Variants in CASR observed in about 807,000 individuals in gnomAD.
CASR encodes extracellular calcium-sensing receptor.
CASR carries 23 observed loss-of-function variants against 69.1 expected under a neutral mutation model. The observed-to-expected ratio is 0.33, with a 90% CI of 0.24 to 0.47. The LOEUF is 0.47. CASR is among the 20% of genes least tolerant of loss of function. The probability of loss-of-function intolerance (pLI) is 1.00; values close to 1 mark genes in which losing one functional copy is unlikely to be tolerated. For synonymous variants in CASR, 541 were observed against 544.7 expected (o/e 0.99, Z 0.10); for missense variants, 924 against 1,356.1 (o/e 0.68, Z 5.00).
At chr3:122,227,650 C>A (rs1035534763) in intron 1 of CASR, among the ~76,000 whole-genome samples, 2 of 152,212 alleles carry the variant, frequency 1.3e-5, no homozygotes, top group African/African-American at 4.8e-5. Flanking sequence ...CTGAAGGGCT[C>A]CTCAAGCACG....
chr3:122,257,942 C>T (rs2074574083), intron 3 of CASR, among the ~76,000 whole-genome samples: 2 of 152,178 alleles, frequency 1.3e-5, no homozygotes, highest in Admixed American at 6.5e-5. Flanking sequence ...TATGTATAAG[C>T]GGTCTCCACT....
chr3:122,229,265 A>G (rs2074256915), intron 1 of CASR, among the ~76,000 whole-genome samples: 1 of 152,178 alleles, frequency 6.6e-6, no homozygotes, highest in Non-Finnish European at 1.5e-5. Context: ...CCTCAAAATC[A>G]GGCCACTCTT....
At chr3:122,266,371 G>A (rs1441250199) in intron 4 of CASR, among the ~76,000 whole-genome samples, 1 of 151,584 alleles carries the variant, frequency 6.6e-6, no homozygotes, top group Non-Finnish European at 1.5e-5. Flanking sequence ...TTTTCTTTGT[G>A]AGCCTGTAAG....
At chr3:122,219,971 G>T (rs909398585) in intron 1 of CASR, among the ~76,000 whole-genome samples, 1 of 152,158 alleles carries the variant, frequency 6.6e-6, no homozygotes, top group Admixed American at 6.5e-5. Flanking sequence ...AAATATTCAG[G>T]ATTCTGTGAC....
rs1347768317 is a variant in CASR, at chr3:122,286,842, T to C, written c.*1651T>C. ...CCTGAAGCCTCAAATTTTACAGCTC[T>C]TGGTGACTTCTTCCCCTGACCACTT... On this transcript the variant is annotated 3_prime_UTR_variant, in exon 7 of 7. Transcript: ENST00000639785. 1 of 152,276 alleles carries C rather than the reference T, an allele frequency of 6.6e-6. No homozygotes were observed. Among genetic ancestry groups the C allele is most frequent in the Non-Finnish European group, 1.5e-5 (1 of 68,068 alleles). The allele number at this position is 152,276 out of a possible 1,614,324, so 9.4% of individuals were successfully genotyped here.
chr3:122,282,307 T>C, intron 6 of CASR, 71 bp downstream of exon 6: 2 of 1,465,986 alleles, frequency 1.4e-6, no homozygotes, highest in South Asian at 2.3e-5. Context: ...GTGAAGCCCA[T>C]GGAAGGGCTG....
intron 1 of CASR, among the ~76,000 whole-genome samples, chr3:122,197,171 T>C (rs1267927116): frequency 6.6e-6 from 1 of 152,232 alleles, no homozygotes; most frequent in Non-Finnish European, 1.5e-5. Flanking sequence ...TGGTCATTTT[T>C]TTGCCCACCA....
At chr3:122,203,596 GTACT>G (rs1310600744) in intron 1 of CASR, among the ~76,000 whole-genome samples, 1 of 152,168 alleles carries the variant, frequency 6.6e-6, no homozygotes, top group Non-Finnish European at 1.5e-5. Flanking sequence ...GTATAATAAG[GTACT>G]TACCATGAAT....
chr3:122,277,022 A>G (rs972710647), intron 5 of CASR, among the ~76,000 whole-genome samples: 4 of 140,774 alleles, frequency 2.8e-5, no homozygotes, highest in Admixed American at 7.0e-5. Context: ...TTTTATTATC[A>G]CCTTTGAGCA....
chr3:122,249,865 A>G (rs2074465327), intron 1 of CASR, among the ~76,000 whole-genome samples: 1 of 152,252 alleles, frequency 6.6e-6, no homozygotes, highest in South Asian at 2.1e-4. Context: ...TAAACCAGCC[A>G]GAAGCCTTTT....
chr3:122,226,315 C>T (rs1242731110), intron 1 of CASR, among the ~76,000 whole-genome samples: 4 of 151,360 alleles, frequency 2.6e-5, no homozygotes, highest in African/African-American at 7.3e-5. Context: ...CTTAAGGCAG[C>T]GTGTCTGGAG....
At chr3:122,214,012 A>G (rs773576897) in intron 1 of CASR, among the ~76,000 whole-genome samples, 1 of 152,166 alleles carries the variant, frequency 6.6e-6, no homozygotes. Context: ...ACCCCGTGTC[A>G]TGTCCTCTTC....
chr3:122,229,972 C>G (rs1281717989), intron 1 of CASR, among the ~76,000 whole-genome samples: 1 of 152,190 alleles, frequency 6.6e-6, no homozygotes, highest in Non-Finnish European at 1.5e-5. Flanking sequence ...AGTGTGTGGC[C>G]TGTGACTTGG....
rs993351312 is a variant in CASR at position 122,286,370 on chromosome 3, A to G, written c.*1179A>G. ...AAGCCACAGCTTCTTCATCTTTAAA[A>G]TAAGGATAATAATCATTCTTTCCCC... On this transcript the variant is annotated 3_prime_UTR_variant, in exon 7 of 7. Transcript: ENST00000639785. 2 of 152,240 alleles carry G rather than the reference A, an allele frequency of 1.3e-5. No homozygotes were observed. The highest frequency in any genetic ancestry group is 4.8e-5 in the African/African-American group (2 of 41,454). 9.4% of individuals were successfully genotyped at this position (152,240 alleles called of 1,614,324 possible).
intron 4 of CASR, among the ~76,000 whole-genome samples, chr3:122,265,917 A>G (rs2074687889): frequency 6.6e-6 from 1 of 152,084 alleles, no homozygotes; most frequent in African/African-American, 2.4e-5. Flanking sequence ...GGAATGGGGG[A>G]TAAATTGTGA....
intron 1 of CASR, among the ~76,000 whole-genome samples, chr3:122,231,821 A>G (rs115864190): frequency 0.016 from 2,477 of 152,206 alleles, 43 homozygotes; most frequent in Non-Finnish European, 0.028. Context: ...TTCACACTAA[A>G]CAATTTACCT....
At chr3:122,235,073 G>A (rs1336612832) in intron 1 of CASR, among the ~76,000 whole-genome samples, 1 of 152,202 alleles carries the variant, frequency 6.6e-6, no homozygotes, top group Non-Finnish European at 1.5e-5. Context: ...GGGAGTGCTG[G>A]ACACTTCTAA....
chr3:122,262,711 T>C (rs1480263248), intron 4 of CASR, among the ~76,000 whole-genome samples: 1 of 152,188 alleles, frequency 6.6e-6, no homozygotes, highest in African/African-American at 2.4e-5. Context: ...TAGTAATGAG[T>C]GGGGTATTTT....
chr3:122,272,517 A>T (rs2074772331), intron 4 of CASR, among the ~76,000 whole-genome samples: 1 of 152,074 alleles, frequency 6.6e-6, no homozygotes, highest in South Asian at 2.1e-4. Flanking sequence ...TATGCCTGAA[A>T]CCTGCATTGA....
Sources: gnomAD v4.1 joint callset for allele counts (sites outside exome capture counted in the v4.1 genomes callset) on GRCh38, gnomAD v4.1.1 for gene constraint, MANE v1.5 for transcripts, NCBI Gene and HGNC (gene_info 2026-07-23, HGNC 2026-07-21) for gene names.